KCNH8: variants seen among roughly 807,000 people sequenced by gnomAD.
KCNH8 encodes potassium voltage-gated channel subfamily H member 8.
In KCNH8, 70 loss-of-function variants were observed where a neutral mutation model predicts 103.6. That is an observed-to-expected ratio of 0.68 (90% CI 0.56 to 0.82). KCNH8 has a LOEUF of 0.82. Among genes scored for constraint, KCNH8 ranks in the 40% least tolerant of loss-of-function variants. KCNH8 has a pLI of 0.00. For synonymous variants in KCNH8, 498 were observed against 489.4 expected (o/e 1.02, Z -0.23); for missense variants, 1,217 against 1,329.9 (o/e 0.92, Z 1.32).
chr3:19,384,838 T>G (rs2066335303), intron 5 of KCNH8, among the ~76,000 whole-genome samples: 1 of 152,154 alleles, frequency 6.6e-6, no homozygotes, highest in African/African-American at 2.4e-5. Flanking sequence ...TATTAAAGAC[T>G]TGAAAATTCC....
chr3:19,397,672 T>A (rs1305988944), intron 7 of KCNH8, among the ~76,000 whole-genome samples: 1 of 151,734 alleles, frequency 6.6e-6, no homozygotes, highest in Non-Finnish European at 1.5e-5. Flanking sequence ...ATAATCTTAC[T>A]CATTTATGAT....
intron 11 of KCNH8, among the ~76,000 whole-genome samples, chr3:19,471,547 A>G (rs1184015711): frequency 6.6e-6 from 1 of 152,230 alleles, no homozygotes; most frequent in Non-Finnish European, 1.5e-5. Flanking sequence ...ATAGTATAGT[A>G]GCTCCTAGGA....
chr3:19,466,239 T>C (rs1451984747), intron 11 of KCNH8, among the ~76,000 whole-genome samples: 1 of 152,194 alleles, frequency 6.6e-6, no homozygotes, highest in Non-Finnish European at 1.5e-5. Context: ...AGTTGCTTCT[T>C]ATGAATGAGT....
chr3:19,443,905 A>G (rs1048598420), intron 8 of KCNH8, among the ~76,000 whole-genome samples: 2 of 152,114 alleles, frequency 1.3e-5, no homozygotes, highest in African/African-American at 4.8e-5. Context: ...AGGATGTACA[A>G]TGGTGATGGT....
At chr3:19,514,296 T>C (rs927854171) in intron 13 of KCNH8, among the ~76,000 whole-genome samples, 22 of 151,972 alleles carry the variant, frequency 1.4e-4, no homozygotes, top group African/African-American at 5.3e-4. Context: ...AAGGAAAAGA[T>C]AAAATAGGTT....
chr3:19,527,266 A>C (rs1048569013), intron 15 of KCNH8, among the ~76,000 whole-genome samples: 2 of 152,086 alleles, frequency 1.3e-5, no homozygotes, highest in Non-Finnish European at 2.9e-5. Context: ...GGAATGGCTT[A>C]TCTCTCCATG....
At chr3:19,304,732 G>A (rs537579575) in intron 3 of KCNH8, among the ~76,000 whole-genome samples, 156 of 152,202 alleles carry the variant, frequency 1.0e-3, no homozygotes, top group Middle Eastern at 3.4e-3. Context: ...CAGTGATGAC[G>A]GAGATGTTCT....
chr3:19,340,392 G>C (rs942889502), intron 3 of KCNH8, among the ~76,000 whole-genome samples: 2 of 144,606 alleles, frequency 1.4e-5, no homozygotes, highest in Non-Finnish European at 3.0e-5. Flanking sequence ...AAGTTTTAGG[G>C]TACATGTGCA....
At chr3:19,300,806 G>T (rs1493926) in intron 3 of KCNH8, among the ~76,000 whole-genome samples, 1 of 151,124 alleles carries the variant, frequency 6.6e-6, no homozygotes, top group Non-Finnish European at 1.5e-5. Flanking sequence ...GAGAGCTAGA[G>T]ATTTTATATT....
intron 11 of KCNH8, among the ~76,000 whole-genome samples, chr3:19,488,416 C>A (rs771942786): frequency 7.9e-5 from 12 of 152,188 alleles, no homozygotes; most frequent in Non-Finnish European, 1.2e-4. Context: ...CCAGTAATGG[C>A]GAGGTATTCA....
chr3:19,342,620 A>G lies in KCNH8; in HGVS notation c.476A>G (p.His159Arg). 6.2e-7 allele frequency: 1 copy of G among 1,610,914 alleles called. No individual in the cohort carries two copies. The highest frequency in any genetic ancestry group is 8.5e-7 in the Non-Finnish European group (1 of 1,177,806). Residue 159 changes from histidine to arginine, a missense_variant, in exon 4 of 16, where the codon CAC becomes CGC. Transcript: ENST00000328405. ...AAAGGAAGATCAAGAGCAGGGACCC[A>G]CTTTGACTCAGCCCGGAGACGGAGT... The part of the protein sequence containing the change: ...KVKGRSRAGT[H>R]FDSARRRSRA...
intron 3 of KCNH8, among the ~76,000 whole-genome samples, chr3:19,339,599 T>A (rs1276103199): frequency 2.0e-5 from 3 of 152,140 alleles, no homozygotes; most frequent in Admixed American, 2.0e-4. Flanking sequence ...TTAAAAAGTG[T>A]CCTTTTTGAT....
intron 8 of KCNH8, among the ~76,000 whole-genome samples, chr3:19,449,711 TCAAA>T (rs1332272347): frequency 3.9e-5 from 6 of 152,090 alleles, no homozygotes; most frequent in Admixed American, 1.3e-4. Flanking sequence ...AGCTTTTCTA[TCAAA>T]CAATGAAGAC....
intron 5 of KCNH8, among the ~76,000 whole-genome samples, chr3:19,390,051 A>T (rs919602920): frequency 2.6e-5 from 4 of 152,004 alleles, no homozygotes; most frequent in Non-Finnish European, 5.9e-5. Context: ...ACTTCAGGAG[A>T]TGTACTGAGG....
chr3:19,472,105 T>G (rs1253000303), intron 11 of KCNH8, among the ~76,000 whole-genome samples: 1 of 152,148 alleles, frequency 6.6e-6, no homozygotes, highest in Non-Finnish European at 1.5e-5. Flanking sequence ...TTACTGTATT[T>G]TAATTCATTT....
At chr3:19,456,708 A>T in intron 10 of KCNH8, 60 bp from the exon 11 acceptor site, 3 of 1,066,228 alleles carry the variant, frequency 2.8e-6, no homozygotes, top group Non-Finnish European at 4.3e-6. Context: ...AAGTCAAATG[A>T]GGTTATCAGT....
chr3:19,398,636 G>A (rs902922867), intron 7 of KCNH8, among the ~76,000 whole-genome samples: 23 of 151,914 alleles, frequency 1.5e-4, no homozygotes, highest in African/African-American at 4.8e-4. Context: ...ACCAAACAGT[G>A]GGAGATGTTT....
intron 6 of KCNH8, among the ~76,000 whole-genome samples, chr3:19,394,312 C>G (rs1007050441): frequency 6.6e-6 from 1 of 152,018 alleles, no homozygotes; most frequent in Non-Finnish European, 1.5e-5. Context: ...ATTGACTATT[C>G]TGGTCCACAC....
intron 10 of KCNH8, among the ~76,000 whole-genome samples, chr3:19,456,456 G>T (rs1354893483): frequency 6.6e-6 from 1 of 151,994 alleles, no homozygotes; most frequent in African/African-American, 2.4e-5. Flanking sequence ...AAAAATTGTT[G>T]AATGGGAAGT....
Sources: allele counts gnomAD v4.1 joint callset (sites outside exome capture counted in the v4.1 genomes callset), GRCh38; gene constraint gnomAD v4.1.1; transcripts MANE v1.5; gene names NCBI Gene and HGNC (gene_info 2026-07-23, HGNC 2026-07-21).